Variants in IMPG1 observed in about 807,000 individuals in gnomAD.
The protein encoded by IMPG1 is interphotoreceptor matrix proteoglycan 1.
In IMPG1, 85 loss-of-function variants were observed where a neutral mutation model predicts 92.0. That is an observed-to-expected ratio of 0.92 (90% CI 0.78 to 1.11). The LOEUF (loss-of-function observed/expected upper bound fraction) is 1.11. Among genes scored for constraint, IMPG1 ranks in the 50% least tolerant of loss-of-function variants. The probability of loss-of-function intolerance (pLI) is 0.00; values close to 1 mark genes in which losing one functional copy is unlikely to be tolerated. For missense variants in IMPG1, 1,022 were observed against 956.0 expected, an observed-to-expected ratio of 1.07 and a Z score of -0.91; for synonymous variants, 367 against 334.1, an observed-to-expected ratio of 1.10 and a Z score of -1.08.
chr6:75,942,726 C>G (rs2313754), intron 14 of IMPG1, among the ~76,000 whole-genome samples: 1 of 151,888 alleles, frequency 6.6e-6, no homozygotes, highest in Non-Finnish European at 1.5e-5. Flanking sequence ...ATCAGCCAAT[C>G]GCACTGAAAA....
intron 13 of IMPG1, among the ~76,000 whole-genome samples, chr6:75,950,100 T>C (rs150682476): frequency 5.3e-5 from 8 of 152,332 alleles, no homozygotes; most frequent in Non-Finnish European, 1.2e-4. Flanking sequence ...TTAGTCATTT[T>C]TTAGGTTTAC....
At chr6:75,977,693 C>T (rs1782562734) in intron 12 of IMPG1, among the ~76,000 whole-genome samples, 1 of 151,862 alleles carries the variant, frequency 6.6e-6, no homozygotes, top group Non-Finnish European at 1.5e-5. Flanking sequence ...AAAGACCTAT[C>T]AGTGCTAACA....
intron 5 of IMPG1, chr6:76,024,836 TA>T (rs906663162): frequency 1.1e-5 from 4 of 357,426 alleles, no homozygotes; most frequent in African/African-American, 8.7e-5. Flanking sequence ...TAGTGAACTA[TA>T]AAATATCCTT....
intron 12 of IMPG1, among the ~76,000 whole-genome samples, chr6:75,983,071 T>A (rs1002567712): frequency 4.0e-5 from 6 of 151,866 alleles, no homozygotes; most frequent in African/African-American, 1.2e-4. Flanking sequence ...GATAACTACA[T>A]CCAGAAGATG....
chr6:76,067,753 C>T (rs909514063), intron 1 of IMPG1, among the ~76,000 whole-genome samples: 8 of 152,088 alleles, frequency 5.3e-5, no homozygotes, highest in African/African-American at 1.7e-4. Context: ...AACTAAAGAC[C>T]AATATCCCTG....
intron 1 of IMPG1, among the ~76,000 whole-genome samples, chr6:76,043,516 G>C (rs1245326739): frequency 6.6e-6 from 1 of 152,082 alleles, no homozygotes; most frequent in Non-Finnish European, 1.5e-5. Flanking sequence ...TCTTAGGAAA[G>C]AATCTCCAGG....
intron 12 of IMPG1, among the ~76,000 whole-genome samples, chr6:75,966,283 T>C (rs1014912566): frequency 6.6e-6 from 1 of 152,314 alleles, no homozygotes; most frequent in African/African-American, 2.4e-5. Context: ...TTATTAAAAA[T>C]ATAGACTAAA....
In IMPG1 at chr6:75,921,501, A is replaced by AAAAC. The variant is rs1781427948; in HGVS notation, c.*584_*587dup. The AAAAC allele has an allele frequency of 1.3e-5, 2 of 152,788 alleles. No homozygotes were observed. Among genetic ancestry groups the AAAAC allele is most frequent in the Admixed American group, 1.3e-4 (2 of 15,302 alleles). 9.5% of individuals were successfully genotyped at this position (152,788 alleles called of 1,614,324 possible). On this transcript the variant is annotated 3_prime_UTR_variant, in exon 17 of 17. Coordinates refer to ENST00000369950, the MANE Select transcript of IMPG1 (RefSeq NM_001563.4). ...GAACAATTCAAAGATTATTGGCAAC[A>AAAAC]AAACAGTCTACTATGTAAGCAGTAG...
chr6:75,929,056 G>A (rs1781616009), intron 15 of IMPG1, among the ~76,000 whole-genome samples: 1 of 152,202 alleles, frequency 6.6e-6, no homozygotes, highest in African/African-American at 2.4e-5. Flanking sequence ...ACTCAAAGCA[G>A]TAATGCTGTG....
intron 12 of IMPG1, among the ~76,000 whole-genome samples, chr6:75,968,295 AG>A (rs1782344646): frequency 6.6e-6 from 1 of 152,222 alleles, no homozygotes; most frequent in African/African-American, 2.4e-5. Context: ...CTTAATTGCT[AG>A]AGATCTTTTA....
rs938654810 is a variant in IMPG1 at position 76,047,421 on chromosome 6, T to C, written c.68-5295A>G. ...TCTATGGCATTCACTGATTCACCTG[T>C]ATTCACTAAGCGACTACTGTTTCAG... On this transcript the variant is annotated intron_variant, in intron 1 of 16. Coordinates refer to ENST00000369950, the MANE Select transcript of IMPG1 (RefSeq NM_001563.4). Among the ~76,000 whole-genome samples, 3 of 152,248 alleles carry C rather than the reference T, an allele frequency of 2.0e-5. No homozygotes were observed. In the East Asian group the frequency reaches 5.8e-4, roughly 29 times the overall value.
At chr6:76,035,360 G>C (rs189241580) in intron 2 of IMPG1, among the ~76,000 whole-genome samples, 1 of 152,038 alleles carries the variant, frequency 6.6e-6, no homozygotes, top group Non-Finnish European at 1.5e-5. Flanking sequence ...TTAGCTGGGC[G>C]TGTTGGTGCA....
intron 15 of IMPG1, among the ~76,000 whole-genome samples, chr6:75,926,177 G>A (rs1304657746): frequency 6.6e-6 from 1 of 152,202 alleles, no homozygotes; most frequent in South Asian, 2.1e-4. Context: ...GAACTGTCAA[G>A]ACCAGGAGAG....
chr6:76,029,336 G>T (rs560644877), intron 4 of IMPG1, among the ~76,000 whole-genome samples: 1 of 152,154 alleles, frequency 6.6e-6, no homozygotes, highest in East Asian at 1.9e-4. Context: ...AATCCAAAAG[G>T]CTTATGTAGA....
intron 2 of IMPG1, among the ~76,000 whole-genome samples, chr6:76,035,793 G>C (rs1783733684): frequency 6.6e-6 from 1 of 152,092 alleles, no homozygotes; most frequent in Admixed American, 6.6e-5. Context: ...ATTGTGGCAC[G>C]GTGCCTCTAG....
At chr6:76,018,880 A>G (rs79463506) in intron 6 of IMPG1, 22 bp from the exon 7 acceptor site, 2 of 1,488,984 alleles carry the variant, frequency 1.3e-6, no homozygotes, top group Non-Finnish European at 9.1e-7. Flanking sequence ...AAAAAAAAAA[A>G]GGACTTCTGT....
chr6:75,943,801 G>A (rs1240614729), intron 14 of IMPG1, among the ~76,000 whole-genome samples: 1 of 152,182 alleles, frequency 6.6e-6, no homozygotes, highest in Non-Finnish European at 1.5e-5. Context: ...CTTGACAAAT[G>A]AGACTTAAAG....
At position 75,950,565 on chromosome 6, in the gene IMPG1, C is replaced by G; in HGVS notation, c.1821G>C (p.Gln607His). The part of the protein sequence containing the change: ...EYRALEQQFT[Q>H]LLVPYLRSNL... ...ATTGTGAGCAGTGCCCACTCACCAG[C>G]TGTGTGAATTGTTGCTCCAGAGCTC... Residue 607 changes from glutamine (Q) to histidine (H), a missense_variant, in exon 13 of 17, where the codon CAG becomes CAC. By Grantham distance (24) the Gln-to-His change is conservative (BLOSUM62 0). Coordinates refer to ENST00000369950, the MANE Select transcript of IMPG1 (RefSeq NM_001563.4). 6.2e-7 allele frequency: 1 copy of G among 1,604,162 alleles called. No homozygotes were observed. The highest frequency in any genetic ancestry group is 8.5e-7 in the Non-Finnish European group (1 of 1,174,902).
intron 14 of IMPG1, among the ~76,000 whole-genome samples, chr6:75,940,562 T>G (rs1781822540): frequency 1.3e-5 from 2 of 152,208 alleles, no homozygotes; most frequent in Admixed American, 1.3e-4. Context: ...TAGCACTTAG[T>G]TGGAAAACGT....
Sources: gnomAD v4.1 joint callset for allele counts (sites outside exome capture counted in the v4.1 genomes callset) on GRCh38, gnomAD v4.1.1 for gene constraint, MANE v1.5 for transcripts, NCBI Gene and HGNC (gene_info 2026-07-23, HGNC 2026-07-21) for gene names.